GALNT9: variants seen among roughly 807,000 people sequenced by gnomAD.
The protein encoded by GALNT9 is polypeptide N-acetylgalactosaminyltransferase 9, also known as GalNAc transferase 9.
In GALNT9, 47 loss-of-function variants were observed where a neutral mutation model predicts 63.1. The ratio of observed to expected loss-of-function variants is 0.75; its 90% CI spans 0.59 to 0.95. The LOEUF (loss-of-function observed/expected upper bound fraction) is 0.95, where lower values mean the gene tolerates loss of function less well. GALNT9 is among the 40% of genes least tolerant of loss of function. The probability of loss-of-function intolerance (pLI) is 0.00; values close to 1 mark genes in which losing one functional copy is unlikely to be tolerated. For synonymous variants in GALNT9, 396 were observed against 365.7 expected, an observed-to-expected ratio of 1.08 and a Z score of -0.94; for missense variants, 829 against 874.8, an observed-to-expected ratio of 0.95 and a Z score of 0.66.
intron 6 of GALNT9, among the ~76,000 whole-genome samples, chr12:132,229,592 C>T (rs972926018): frequency 3.9e-5 from 6 of 152,168 alleles, no homozygotes; most frequent in Admixed American, 3.9e-4. Context: ...GCACGCGTGA[C>T]GGGGATGGGG....
At chr12:132,324,859 G>A (rs1387530673) in intron 1 of GALNT9, among the ~76,000 whole-genome samples, 8 of 152,230 alleles carry the variant, frequency 5.3e-5, no homozygotes, top group African/African-American at 1.4e-4. Flanking sequence ...CCACTGTGGC[G>A]AAGGCAGCCT....
chr12:132,273,088 G>A (rs980268604), intron 2 of GALNT9: 1 of 152,296 alleles, frequency 6.6e-6, no homozygotes, highest in Admixed American at 6.5e-5. Flanking sequence ...CACTCTGCTG[G>A]TGGGGGCAGC....
intron 1 of GALNT9, among the ~76,000 whole-genome samples, chr12:132,291,867 C>T (rs1040813631): frequency 5.3e-5 from 8 of 152,314 alleles, no homozygotes; most frequent in Admixed American, 3.3e-4. Flanking sequence ...GTTCCAGAGC[C>T]GCTCCCCTGC....
intron 1 of GALNT9, among the ~76,000 whole-genome samples, chr12:132,323,890 G>A (rs1555246306): frequency 2.0e-5 from 3 of 152,252 alleles, no homozygotes; most frequent in African/African-American, 7.2e-5. Flanking sequence ...AGACCTGCCG[G>A]GGCCGGGACT....
intron 2 of GALNT9, among the ~76,000 whole-genome samples, chr12:132,267,800 C>CACACTCACACACTT (rs138324682): frequency 5.0e-5 from 7 of 140,020 alleles, no homozygotes; most frequent in Admixed American, 4.8e-4. Flanking sequence ...CGCACTCACA[C>CACACTCACACACTT]GCACTCACAC....
chr12:132,237,030 C>T (rs1433228773), intron 6 of GALNT9, among the ~76,000 whole-genome samples: 1 of 152,164 alleles, frequency 6.6e-6, no homozygotes. Context: ...CCGCCCAGGT[C>T]CTCTTCTCCA....
chr12:132,255,455 C>T (rs1482173221), intron 5 of GALNT9, among the ~76,000 whole-genome samples: 1 of 152,186 alleles, frequency 6.6e-6, no homozygotes, highest in Non-Finnish European at 1.5e-5. Context: ...AAGTCTGGCC[C>T]CTTTTTAAGT....
At chr12:132,258,685 G>A (rs1879240696) in intron 4 of GALNT9, among the ~76,000 whole-genome samples, 1 of 152,212 alleles carries the variant, frequency 6.6e-6, no homozygotes, top group South Asian at 2.1e-4. Context: ...GGCAATGGGG[G>A]GCGAGGAGGG....
At chr12:132,264,269 C>T (rs1265041295) in intron 2 of GALNT9, among the ~76,000 whole-genome samples, 1 of 152,234 alleles carries the variant, frequency 6.6e-6, no homozygotes, top group Non-Finnish European at 1.5e-5. Flanking sequence ...GGGACGCTGG[C>T]CACGCGGAGA....
intron 1 of GALNT9, among the ~76,000 whole-genome samples, chr12:132,312,008 CT>C (rs1881831987): frequency 1.3e-5 from 2 of 152,216 alleles, no homozygotes; most frequent in Admixed American, 6.5e-5. Flanking sequence ...TAATGTCTCT[CT>C]CTCCCAGCTT....
At chr12:132,314,827 T>C (rs1238978316) in intron 1 of GALNT9, among the ~76,000 whole-genome samples, 5 of 152,350 alleles carry the variant, frequency 3.3e-5, no homozygotes, top group Middle Eastern at 3.4e-3. Context: ...CTGGCATTCA[T>C]GCATCTTGGG....
In GALNT9 at chr12:132,197,836, C is replaced by A; in HGVS notation, c.1621G>T (p.Glu541Ter). Residue 541 changes from glutamate to a stop codon, truncating the protein, a stop_gained, in exon 10 of 11, where the codon GAG becomes TAG. Coordinates refer to ENST00000328957, the MANE Select transcript of GALNT9 (RefSeq NM_001122636.2). LOFTEE classifies it high-confidence loss of function. ...CGCTGTGTTGGCCGCGCCACATCCTCACACTTCTTCAGGGTGGGCATGCGG... is the reference window on the plus strand; with the variant it reads ...CGCTGTGTTGGCCGCGCCACATCCTAACACTTCTTCAGGGTGGGCATGCGG... Reference protein sequence around the residue: ...TGRMPTLKKCEDVARPTQRLW... With the variant: ...TGRMPTLKKC 6.2e-7 allele frequency: 1 copy of A among 1,604,260 alleles called. No individual in the cohort carries two copies. The highest frequency in any genetic ancestry group is 1.1e-5 in the South Asian group (1 of 89,178).
At position 132,296,504 on chromosome 12, in the gene GALNT9, T is replaced by A. The variant is rs1417719042; in HGVS notation, c.239-10074A>T. Among the ~76,000 whole-genome samples the A allele has an allele frequency of 1.3e-5, 2 of 152,228 alleles. No homozygotes were observed. Among genetic ancestry groups the A allele is most frequent in the African/African-American group, 4.8e-5 (2 of 41,452 alleles). On this transcript the variant is annotated intron_variant, in intron 1 of 10. Coordinates refer to ENST00000328957, the MANE Select transcript of GALNT9 (RefSeq NM_001122636.2). The surrounding 1 kb of genome is among the most constrained non-coding windows in gnomAD (Gnocchi z 4.2). ...TCCAGACAGAATCAACACTGCAAGC[T>A]TGTCATCTTATCCTTGAATAAGATG... is the stretch of plus-strand genomic sequence containing the variant.
chr12:132,218,078 T>G (rs11247012), intron 6 of GALNT9, among the ~76,000 whole-genome samples: 40,497 of 150,962 alleles, frequency 0.27, 5,650 homozygotes, highest in Middle Eastern at 0.41. Flanking sequence ...CCATCCACCA[T>G]TTATCCATCA....
intron 1 of GALNT9, among the ~76,000 whole-genome samples, chr12:132,320,808 CG>C (rs1424211360): frequency 6.6e-6 from 1 of 152,180 alleles, no homozygotes; most frequent in South Asian, 2.1e-4. Flanking sequence ...GCGGCGCCAG[CG>C]GGGGGGTCCT....
At chr12:132,230,687 C>A (rs1475486940) in intron 6 of GALNT9, among the ~76,000 whole-genome samples, 1 of 152,248 alleles carries the variant, frequency 6.6e-6, no homozygotes, top group Non-Finnish European at 1.5e-5. Flanking sequence ...GGGTGAGGCC[C>A]GGTCCTCCTG....
intron 1 of GALNT9, among the ~76,000 whole-genome samples, chr12:132,309,388 C>T (rs1298925451): frequency 1.3e-5 from 2 of 152,144 alleles, no homozygotes; most frequent in African/African-American, 4.8e-5. Flanking sequence ...ATGAATGCAG[C>T]AGGATGGTGG....
At chr12:132,216,683 G>A (rs1438310529) in intron 6 of GALNT9, among the ~76,000 whole-genome samples, 2 of 152,218 alleles carry the variant, frequency 1.3e-5, no homozygotes, top group African/African-American at 2.4e-5. Flanking sequence ...CTGGGGGGAT[G>A]AGCAGTTTTC....
rs373692529 is a variant in GALNT9, at chr12:132,199,291, G to A, written c.1402-22C>T. ...TCACCTGCAAGCAGAAGCCCCAGGAGAAAGTCCAGAGTCACCCGAGGGTGC... is the reference window on the plus strand; with the variant it reads ...TCACCTGCAAGCAGAAGCCCCAGGAAAAAGTCCAGAGTCACCCGAGGGTGC... On this transcript the variant is annotated intron_variant, in intron 8 of 10. Coordinates refer to ENST00000328957, the MANE Select transcript of GALNT9 (RefSeq NM_001122636.2). 236 of 1,557,232 alleles carry A rather than the reference G, an allele frequency of 1.5e-4. 1 individual carries two copies. The highest frequency in any genetic ancestry group is 1.4e-4 in the Non-Finnish European group (160 of 1,138,672).
Sources: allele counts gnomAD v4.1 joint callset (sites outside exome capture counted in the v4.1 genomes callset), GRCh38; gene constraint gnomAD v4.1.1; non-coding constraint Gnocchi (gnomAD v3.1); transcripts MANE v1.5; gene names NCBI Gene and HGNC (gene_info 2026-07-23, HGNC 2026-07-21).